Variants in TMEM45A observed in about 807,000 individuals in gnomAD.
TMEM45A encodes transmembrane protein 45A, also known as DNA polymerase-transactivated protein 4.
A neutral mutation model predicts 32.0 loss-of-function variants in TMEM45A; 25 were observed. The ratio of observed to expected loss-of-function variants is 0.78; its 90% CI spans 0.57 to 1.09. The LOEUF is 1.09. Among genes scored for constraint, TMEM45A ranks in the 50% least tolerant of loss-of-function variants. The pLI is 0.00. For synonymous variants in TMEM45A, 122 were observed against 114.8 expected, an observed-to-expected ratio of 1.06 and a Z score of -0.40; for missense variants, 302 against 325.0, an observed-to-expected ratio of 0.93 and a Z score of 0.54.
rs533264145 is a variant in TMEM45A at position 100,547,972 on chromosome 3, T to A, written c.-3-7237T>A. Among the ~76,000 whole-genome samples the A allele has an allele frequency of 2.0e-5, 3 of 152,366 alleles. No individual in the cohort carries two copies. The South Asian group carries it at 6.2e-4, about 32-fold the overall frequency. ...TATATTTCCAAGTTTAGGGTTCTTG[T>A]CATTTTAGATGTTTGGTTAAGAATA... On this transcript the variant is annotated intron_variant, in intron 1 of 5. Transcript: ENST00000323523.
chr3:100,505,539 C>T (rs1204074179), intron 1 of TMEM45A, among the ~76,000 whole-genome samples: 1 of 152,140 alleles, frequency 6.6e-6, no homozygotes, highest in Non-Finnish European at 1.5e-5. Context: ...TGCCAAGCAT[C>T]CCAGGTGATT....
chr3:100,554,664 A>G (rs1395061381), intron 1 of TMEM45A, among the ~76,000 whole-genome samples: 1 of 152,236 alleles, frequency 6.6e-6, no homozygotes, highest in Non-Finnish European at 1.5e-5. Flanking sequence ...GAAATTATCA[A>G]CCTAAAAGAA....
intron 1 of TMEM45A, among the ~76,000 whole-genome samples, chr3:100,536,813 AG>A (rs983112092): frequency 2.0e-5 from 3 of 152,172 alleles, no homozygotes; most frequent in African/African-American, 7.2e-5. Flanking sequence ...CTGATAATAG[AG>A]GGAAAAACCA....
intron 1 of TMEM45A, among the ~76,000 whole-genome samples, chr3:100,527,489 T>A (rs1705568590): frequency 6.6e-6 from 1 of 152,220 alleles, no homozygotes; most frequent in Admixed American, 6.5e-5. Flanking sequence ...ATTCAGTGAC[T>A]GTGGTTACAG....
intron 4 of TMEM45A, among the ~76,000 whole-genome samples, chr3:100,562,460 A>G (rs560672503): frequency 6.6e-6 from 1 of 152,324 alleles, no homozygotes; most frequent in South Asian, 2.1e-4. Flanking sequence ...AGCTTTCAGC[A>G]TTAGGCTCTG....
chr3:100,513,289 G>A (rs1708199702), intron 1 of TMEM45A, among the ~76,000 whole-genome samples: 1 of 152,134 alleles, frequency 6.6e-6, no homozygotes, highest in African/African-American at 2.4e-5. Flanking sequence ...GATCAAGTGG[G>A]CTTCATCCCT....
At chr3:100,559,100 A>C (rs1706279584) in intron 4 of TMEM45A, among the ~76,000 whole-genome samples, 1 of 152,232 alleles carries the variant, frequency 6.6e-6, no homozygotes, top group African/African-American at 2.4e-5. Context: ...GCTAGGATCT[A>C]AATTTGGATT....
At chr3:100,516,930 G>C (rs1479300560) in intron 1 of TMEM45A, among the ~76,000 whole-genome samples, 1 of 151,976 alleles carries the variant, frequency 6.6e-6, no homozygotes, top group East Asian at 1.9e-4. Flanking sequence ...TGAAAAGATG[G>C]GGGCTATCTT....
intron 1 of TMEM45A, among the ~76,000 whole-genome samples, chr3:100,528,967 C>A (rs960764279): frequency 6.6e-6 from 1 of 152,246 alleles, no homozygotes; most frequent in South Asian, 2.1e-4. Flanking sequence ...CAGATAGTTT[C>A]TGTTTTATAG....
intron 1 of TMEM45A, among the ~76,000 whole-genome samples, chr3:100,494,045 T>C (rs1230079880): frequency 6.6e-6 from 1 of 152,186 alleles, no homozygotes; most frequent in Non-Finnish European, 1.5e-5. Flanking sequence ...TAATTGTATA[T>C]TAAAACAATA....
At chr3:100,562,650 T>C (rs1037009226) in intron 4 of TMEM45A, among the ~76,000 whole-genome samples, 2 of 152,256 alleles carry the variant, frequency 1.3e-5, no homozygotes, top group Non-Finnish European at 2.9e-5. Flanking sequence ...GCCTGCAGTT[T>C]AGACCAACCT....
chr3:100,504,179 C>T (rs1450082833), intron 1 of TMEM45A, among the ~76,000 whole-genome samples: 1 of 151,894 alleles, frequency 6.6e-6, no homozygotes, highest in Non-Finnish European at 1.5e-5. Context: ...GCAAAGACCT[C>T]TCAAATTATC....
At position 100,555,193 on chromosome 3, in the gene TMEM45A, G is replaced by C. The variant is rs1213095655; in HGVS notation, c.-3-16G>C. ...ATGAAATGTCTTTTACTTTCTGTGTGTTCTTATATTTGTAGATCATGGGGA... is the reference window on the plus strand; with the variant it reads ...ATGAAATGTCTTTTACTTTCTGTGTCTTCTTATATTTGTAGATCATGGGGA... On this transcript the variant is annotated splice_polypyrimidine_tract_variant and intron_variant, in intron 1 of 5. Coordinates refer to ENST00000323523, the MANE Select transcript of TMEM45A (RefSeq NM_018004.3). 1.3e-6 allele frequency: 2 copies of C among 1,581,596 alleles called. No homozygotes were observed. Among genetic ancestry groups the C allele is most frequent in the Non-Finnish European group, 1.7e-6 (2 of 1,164,908 alleles).
In TMEM45A at chr3:100,577,071, C is replaced by T. The variant is rs1231939399; in HGVS notation, c.*53C>T. ...TAAACCTTTTCTTTTTTACATTGTT[C>T]TTGGTTTTGTTTCTCGATCTTTTGT... On this transcript the variant is annotated 3_prime_UTR_variant, in exon 6 of 6. Transcript: ENST00000323523. 1.4e-5 allele frequency: 18 copies of T among 1,260,184 alleles called. No homozygotes were observed. Among genetic ancestry groups the T allele is most frequent in the Admixed American group, 2.6e-5 (1 of 38,518 alleles). The allele number at this position is 1,260,184 out of a possible 1,614,324, so 78.1% of individuals were successfully genotyped here. A position where few individuals can be genotyped will look rare whatever the true frequency, so the allele number is the denominator to read the frequency against.
chr3:100,564,445 G>C (rs1312323000), intron 4 of TMEM45A, among the ~76,000 whole-genome samples: 1 of 150,422 alleles, frequency 6.6e-6, no homozygotes, highest in African/African-American at 2.4e-5. Context: ...TTTTTTAAGT[G>C]TTGGCAACTA....
intron 4 of TMEM45A, among the ~76,000 whole-genome samples, chr3:100,561,367 T>C (rs969857558): frequency 3.3e-5 from 5 of 152,202 alleles, no homozygotes; most frequent in African/African-American, 1.2e-4. Context: ...GAACTGTGTA[T>C]AGAGGGATTA....
At chr3:100,576,761 A>G (rs1374507694) in intron 5 of TMEM45A, among the ~76,000 whole-genome samples, 164 bp from the exon 6 acceptor site, 1 of 152,202 alleles carries the variant, frequency 6.6e-6, no homozygotes, top group Non-Finnish European at 1.5e-5. Flanking sequence ...TTAATCCACA[A>G]AAATTTTCAG....
At chr3:100,557,031 CT>C in intron 3 of TMEM45A, 59 bp downstream of exon 3, 1 of 1,533,178 alleles carries the variant, frequency 6.5e-7, no homozygotes, top group Non-Finnish European at 9.0e-7. Context: ...TTATGTAGCC[CT>C]TCATATTAAT....
At chr3:100,515,486 G>T (rs1259262230) in intron 1 of TMEM45A, among the ~76,000 whole-genome samples, 1 of 115,518 alleles carries the variant, frequency 8.7e-6, no homozygotes, top group East Asian at 3.1e-4. Context: ...TATGGGGTGG[G>T]GGGAGGGGGG....
Sources: gnomAD v4.1 joint callset for allele counts (sites outside exome capture counted in the v4.1 genomes callset) on GRCh38, gnomAD v4.1.1 for gene constraint, MANE v1.5 for transcripts, NCBI Gene and HGNC (gene_info 2026-07-23, HGNC 2026-07-21) for gene names.